Variants in CTNNA3 observed in about 807,000 individuals in gnomAD.
The protein encoded by CTNNA3 is catenin alpha-3.
CTNNA3 carries 76 observed loss-of-function variants against 95.7 expected under a neutral mutation model. The observed-to-expected ratio is 0.79, with a 90% CI of 0.66 to 0.96. The LOEUF is 0.96. CTNNA3 is among the 40% of genes least tolerant of loss of function. The pLI, the probability that CTNNA3 is intolerant of heterozygous loss-of-function variation, is 0.00. For synonymous variants in CTNNA3, 431 were observed against 374.4 expected, an observed-to-expected ratio of 1.15 and a Z score of -1.74; for missense variants, 1,191 against 1,089.8, an observed-to-expected ratio of 1.09 and a Z score of -1.31.
At chr10:66,604,447 G>A (rs761453577) in intron 10 of CTNNA3, among the ~76,000 whole-genome samples, 5 of 152,082 alleles carry the variant, frequency 3.3e-5, no homozygotes, top group East Asian at 3.9e-4. Context: ...GCCGATGAGC[G>A]TGCACCCTGC....
At chr10:67,513,640 C>A (rs1839712422) in intron 5 of CTNNA3, among the ~76,000 whole-genome samples, 1 of 152,160 alleles carries the variant, frequency 6.6e-6, no homozygotes. Context: ...GAGAATGGGG[C>A]TCACTTCCAC....
chr10:67,675,988 G>C (rs2133559643), intron 1 of CTNNA3, among the ~76,000 whole-genome samples: 1 of 151,990 alleles, frequency 6.6e-6, no homozygotes, highest in South Asian at 2.1e-4. Flanking sequence ...TGCAATCATA[G>C]GGATCAATAA....
chr10:66,059,140 C>T (rs2080144037), intron 15 of CTNNA3, among the ~76,000 whole-genome samples: 1 of 151,902 alleles, frequency 6.6e-6, no homozygotes, highest in Non-Finnish European at 1.5e-5. Flanking sequence ...AAATATTGAT[C>T]TTCATATTTT....
intron 1 of CTNNA3, among the ~76,000 whole-genome samples, chr10:67,752,512 T>A (rs1286095836): frequency 1.3e-5 from 2 of 152,170 alleles, no homozygotes; most frequent in Non-Finnish European, 2.9e-5. Flanking sequence ...ATAAAAGGCA[T>A]TCAAATAGGA....
At chr10:67,060,106 A>G (rs985262671) in intron 7 of CTNNA3, among the ~76,000 whole-genome samples, 1 of 152,092 alleles carries the variant, frequency 6.6e-6, no homozygotes, top group African/African-American at 2.4e-5. Context: ...ACTTGAGCCT[A>G]GGATTTCGAG....
chr10:66,671,644 C>A (rs912067997), intron 9 of CTNNA3, among the ~76,000 whole-genome samples: 39 of 152,122 alleles, frequency 2.6e-4, no homozygotes, highest in African/African-American at 8.0e-4. Context: ...ACATGAGTGG[C>A]AACATGAGTT....
chr10:66,725,519 C>T (rs886689678), intron 9 of CTNNA3, among the ~76,000 whole-genome samples: 1 of 152,098 alleles, frequency 6.6e-6, no homozygotes, highest in African/African-American at 2.4e-5. Context: ...TGTATCATTG[C>T]TAAAGTGCTG....
chr10:66,486,638 C>G (rs1351428288), intron 11 of CTNNA3, among the ~76,000 whole-genome samples: 1 of 151,906 alleles, frequency 6.6e-6, no homozygotes, highest in Non-Finnish European at 1.5e-5. Flanking sequence ...GTATAGAAGT[C>G]AAAAAAACTA....
At chr10:67,205,362 G>T (rs559926009) in intron 6 of CTNNA3, among the ~76,000 whole-genome samples, 2 of 152,224 alleles carry the variant, frequency 1.3e-5, no homozygotes, top group South Asian at 2.1e-4. Context: ...CTGTATGAAG[G>T]TTTTCTGGCA....
intron 12 of CTNNA3, 107 bp from the exon 13 acceptor site, chr10:66,280,728 T>A (rs1213823808): frequency 2.8e-6 from 2 of 720,270 alleles, no homozygotes; most frequent in Non-Finnish European, 4.3e-6. Flanking sequence ...ATTTGATTAA[T>A]AGATCTTTAA....
intron 9 of CTNNA3, among the ~76,000 whole-genome samples, chr10:66,633,642 T>C (rs1845231812): frequency 1.3e-5 from 2 of 152,046 alleles, no homozygotes; most frequent in South Asian, 4.2e-4. Flanking sequence ...ATCCTGCCAC[T>C]GCACTCCAGC....
At chr10:67,035,253 T>C (rs1853975362) in intron 7 of CTNNA3, among the ~76,000 whole-genome samples, 1 of 152,202 alleles carries the variant, frequency 6.6e-6, no homozygotes, top group Non-Finnish European at 1.5e-5. Flanking sequence ...TAAGTAAAAC[T>C]ATGATTTAAA....
chr10:66,877,349 T>C (rs182511714), intron 7 of CTNNA3, among the ~76,000 whole-genome samples: 1 of 152,304 alleles, frequency 6.6e-6, no homozygotes, highest in East Asian at 1.9e-4. Context: ...GAAGCATCTC[T>C]TGAAACTGTT....
At chr10:66,574,084 C>T (rs540343808) in intron 10 of CTNNA3, among the ~76,000 whole-genome samples, 3 of 152,074 alleles carry the variant, frequency 2.0e-5, no homozygotes, top group Non-Finnish European at 4.4e-5. Flanking sequence ...GCTTACAAGA[C>T]TGTGCAGATA....
At chr10:67,073,350 T>A (rs1393172155) in intron 7 of CTNNA3, among the ~76,000 whole-genome samples, 4 of 152,216 alleles carry the variant, frequency 2.6e-5, no homozygotes, top group Non-Finnish European at 5.9e-5. Context: ...GAACAGTATT[T>A]TACCTTCAAC....
At chr10:66,773,271 C>T (rs1406099234) in intron 8 of CTNNA3, among the ~76,000 whole-genome samples, 3 of 152,162 alleles carry the variant, frequency 2.0e-5, no homozygotes, top group African/African-American at 7.2e-5. Flanking sequence ...AGAACTTCTG[C>T]CTACTCCTAT....
intron 7 of CTNNA3, among the ~76,000 whole-genome samples, chr10:66,836,842 A>G (rs1329644325): frequency 6.6e-6 from 1 of 152,146 alleles, no homozygotes; most frequent in Non-Finnish European, 1.5e-5. Context: ...TATTCTGTAA[A>G]AACTTCTGTG....
At chr10:66,335,582 C>T (rs1437116629) in intron 12 of CTNNA3, among the ~76,000 whole-genome samples, 1 of 152,042 alleles carries the variant, frequency 6.6e-6, no homozygotes, top group Non-Finnish European at 1.5e-5. Context: ...CCTGATTGTT[C>T]CTCTGGAAGT....
At chr10:66,477,123 ACT>A (rs1256773406) in intron 11 of CTNNA3, among the ~76,000 whole-genome samples, 1 of 152,098 alleles carries the variant, frequency 6.6e-6, no homozygotes, top group Non-Finnish European at 1.5e-5. Flanking sequence ...TAATGTCAGT[ACT>A]CTGTTATTTA....
Sources: allele counts gnomAD v4.1 joint callset (sites outside exome capture counted in the v4.1 genomes callset), GRCh38; gene constraint gnomAD v4.1.1; transcripts MANE v1.5; gene names NCBI Gene and HGNC (gene_info 2026-07-23, HGNC 2026-07-21).